CD274: variants seen among roughly 807,000 people sequenced by gnomAD.
CD274 encodes the protein programmed cell death 1 ligand 1.
CD274 carries 8 observed loss-of-function variants against 30.1 expected under a neutral mutation model. The ratio of observed to expected loss-of-function variants is 0.27; its 90% CI spans 0.16 to 0.48. The LOEUF (loss-of-function observed/expected upper bound fraction) is 0.48. CD274 is among the 20% of genes least tolerant of loss of function. The probability of loss-of-function intolerance (pLI) is 0.99; values close to 1 mark genes in which losing one functional copy is unlikely to be tolerated. For missense variants in CD274, 353 were observed against 346.6 expected, an observed-to-expected ratio of 1.02 and a Z score of -0.15; for synonymous variants, 152 against 124.6, an observed-to-expected ratio of 1.22 and a Z score of -1.46.
intron 3 of CD274, among the ~76,000 whole-genome samples, chr9:5,458,744 G>A (rs763251011): frequency 6.6e-6 from 1 of 152,182 alleles, no homozygotes; most frequent in South Asian, 2.1e-4. Flanking sequence ...GATACCACTT[G>A]TAAAGTAGAT....
chr9:5,459,485 G>A (rs948758964), intron 3 of CD274, among the ~76,000 whole-genome samples: 3 of 152,168 alleles, frequency 2.0e-5, no homozygotes, highest in Admixed American at 6.6e-5. Flanking sequence ...ATATGCAAAT[G>A]ATTTCACAGT....
chr9:5,456,397 A>C (rs1052920607), intron 2 of CD274, among the ~76,000 whole-genome samples: 3 of 152,182 alleles, frequency 2.0e-5, no homozygotes, highest in African/African-American at 2.4e-5. Context: ...GACACAAAAT[A>C]ATCTATTACC....
intron 3 of CD274, 144 bp downstream of exon 3, chr9:5,457,564 T>C: frequency 1.5e-6 from 1 of 686,892 alleles, no homozygotes; most frequent in South Asian, 2.0e-5. Context: ...CATGAATTCA[T>C]TCACATAATT....
At chr9:5,454,485 A>T (rs571479790) in intron 1 of CD274, among the ~76,000 whole-genome samples, 1 of 152,204 alleles carries the variant, frequency 6.6e-6, no homozygotes, top group East Asian at 1.9e-4. Flanking sequence ...GTGTTTACAA[A>T]ATCAGTACAT....
chr9:5,464,094 C>A (rs1475058715), intron 4 of CD274, among the ~76,000 whole-genome samples: 1 of 152,090 alleles, frequency 6.6e-6, no homozygotes, highest in Non-Finnish European at 1.5e-5. Flanking sequence ...AAAAGATAAT[C>A]CAGGACGGTG....
In CD274 at chr9:5,469,233, A is replaced by C. The variant is rs1819547246; in HGVS notation, c.*1371A>C. ...TATTCCTGATTTGCCTTTGCCATAT[A>C]ATCTAATGCTTGTTTATATAGTGTC... On this transcript the variant is annotated 3_prime_UTR_variant, in exon 7 of 7. Transcript: ENST00000381577. 4.3e-6 allele frequency: 1 copy of C among 232,842 alleles called. No homozygotes were observed. The highest frequency in any genetic ancestry group is 8.5e-6 in the Non-Finnish European group (1 of 117,896). 14.4% of individuals were successfully genotyped at this position (232,842 alleles called of 1,614,324 possible).
At position 5,467,884 on chromosome 9, in the gene CD274, C is replaced by CAGAAG; in HGVS notation, c.*22_*23insAGAAG. ...GTAATCCAGCATTGGAACTTCTGAT[C>CAGAAG]TTCAAGCAGGGATTCTCAACCTGTG... On this transcript the variant is annotated 3_prime_UTR_variant, in exon 7 of 7. Coordinates refer to ENST00000381577, the MANE Select transcript of CD274 (RefSeq NM_014143.4). 1 of 1,601,702 alleles carries CAGAAG rather than the reference C, an allele frequency of 6.2e-7. No individual in the cohort carries two copies. The highest frequency in any genetic ancestry group is 8.6e-7 in the Non-Finnish European group (1 of 1,168,710).
In CD274 at chr9:5,465,568, T is replaced by A. The variant is rs1404070807; in HGVS notation, c.752T>A (p.Leu251His). 1 of 1,609,514 alleles carries A rather than the reference T, an allele frequency of 6.2e-7. No homozygotes were observed. The highest frequency in any genetic ancestry group is 1.3e-5 in the African/African-American group (1 of 74,822). The change falls in exon 5 of 7, where the codon CTT becomes CAT. Residue 251 changes from leucine (L) to histidine (H), a missense_variant. Transcript: ENST00000381577. ...ATTCTGGGAGCCATCTTATTATGCC[T>A]TGGTGTAGCACTGACATTCATCTTC... Reference protein sequence around the residue: ...LVILGAILLCLGVALTFIFRL... With the variant: ...LVILGAILLCHGVALTFIFRL...
chr9:5,455,065 G>A (rs754352626), intron 1 of CD274, among the ~76,000 whole-genome samples: 4 of 151,936 alleles, frequency 2.6e-5, no homozygotes, highest in East Asian at 1.9e-4. Flanking sequence ...TTATATATAC[G>A]TGGCATCGAT....
chr9:5,465,655 T>C, intron 5 of CD274, 49 bp downstream of exon 5: 1 of 1,141,554 alleles, frequency 8.8e-7, no homozygotes, highest in Non-Finnish European at 1.3e-6. Flanking sequence ...GAGGAAGGGG[T>C]GAGAATTGGA....
intron 5 of CD274, 170 bp downstream of exon 5, chr9:5,465,776 C>T (rs1004520174): frequency 6.3e-5 from 33 of 520,640 alleles, no homozygotes; most frequent in African/African-American, 5.2e-4. Context: ...GAAGATGAAG[C>T]GTAAGGGGTG....
intron 1 of CD274, among the ~76,000 whole-genome samples, chr9:5,451,935 G>T (rs1819211476): frequency 6.6e-6 from 1 of 151,810 alleles, no homozygotes; most frequent in Non-Finnish European, 1.5e-5. Context: ...CCCTCCTCAG[G>T]CTCCAGAAGT....
At chr9:5,460,791 T>G (rs1476539633) in intron 3 of CD274, among the ~76,000 whole-genome samples, 1 of 152,210 alleles carries the variant, frequency 6.6e-6, no homozygotes, top group South Asian at 2.1e-4. Flanking sequence ...GCAAAAATTT[T>G]GATTACTCAT....
Position 5,457,187 on chromosome 9 carries a change from T to C in CD274, c.161T>C (p.Ile54Thr), listed in dbSNP as rs1359399050. 2 of 1,614,062 alleles carry C rather than the reference T, an allele frequency of 1.2e-6. No individual in the cohort carries two copies. The highest frequency in any genetic ancestry group is 1.7e-6 in the Non-Finnish European group (2 of 1,179,900). The change falls in exon 3 of 7, where the codon ATT becomes ACT. Residue 54 changes from isoleucine (I) to threonine (T), a missense_variant. Coordinates refer to ENST00000381577, the MANE Select transcript of CD274 (RefSeq NM_014143.4). ...AAACAATTAGACCTGGCTGCACTAA[T>C]TGTCTATTGGGAAATGGAGGATAAG... Reference protein sequence around the residue: ...VEKQLDLAALIVYWEMEDKNI... With the variant: ...VEKQLDLAALTVYWEMEDKNI...
At chr9:5,463,407 CAG>C (rs1401384832) in intron 4 of CD274, among the ~76,000 whole-genome samples, 1 of 152,118 alleles carries the variant, frequency 6.6e-6, no homozygotes, top group Non-Finnish European at 1.5e-5. Flanking sequence ...CTTCAGGAAA[CAG>C]ATAAAAAACT....
chr9:5,458,647 CAT>C (rs1819348965), intron 3 of CD274, among the ~76,000 whole-genome samples: 1 of 152,174 alleles, frequency 6.6e-6, no homozygotes, highest in South Asian at 2.1e-4. Context: ...AAAACAAAAT[CAT>C]GTGGGGATTA....
At chr9:5,452,065 G>T (rs919446577) in intron 1 of CD274, among the ~76,000 whole-genome samples, 1 of 124,594 alleles carries the variant, frequency 8.0e-6, no homozygotes, top group African/African-American at 3.1e-5. Flanking sequence ...TCACTCTGTT[G>T]CCCATGCTGG....
chr9:5,457,017 C>A, intron 2 of CD274, 62 bp from the exon 3 acceptor site: 1 of 1,173,338 alleles, frequency 8.5e-7, no homozygotes, highest in Non-Finnish European at 1.2e-6. Flanking sequence ...AACGCTGTGC[C>A]AATTTTGTAA....
intron 3 of CD274, 105 bp downstream of exon 3, chr9:5,457,525 G>A (rs958531146): frequency 6.0e-6 from 5 of 839,306 alleles, no homozygotes; most frequent in African/African-American, 3.4e-5. Flanking sequence ...AAACAGAACA[G>A]CATAGTCTGT....
Sources: gnomAD v4.1 joint callset for allele counts (sites outside exome capture counted in the v4.1 genomes callset) on GRCh38, gnomAD v4.1.1 for gene constraint, MANE v1.5 for transcripts, NCBI Gene and HGNC (gene_info 2026-07-23, HGNC 2026-07-21) for gene names.